BTRC: variants seen among roughly 807,000 people sequenced by gnomAD.
BTRC encodes the protein F-box/WD repeat-containing protein 1A.
In BTRC, 42 loss-of-function variants were observed where a neutral mutation model predicts 85.5. The observed-to-expected ratio is 0.49, with a 90% confidence interval of 0.38 to 0.64. The LOEUF is 0.64. Ranked by LOEUF, BTRC falls within the 30% of genes least tolerant of loss-of-function variation. The pLI is 0.00. For missense variants in BTRC, 594 were observed against 743.5 expected (o/e 0.80, Z 2.34); for synonymous variants, 255 against 263.3 (o/e 0.97, Z 0.30).
At chr10:101,518,124 G>T (rs1182964159) in intron 4 of BTRC, among the ~76,000 whole-genome samples, 2 of 151,740 alleles carry the variant, frequency 1.3e-5, no homozygotes, top group Non-Finnish European at 2.9e-5. Context: ...GTTTTAGCCG[G>T]GATGGTCTCG....
intron 4 of BTRC, among the ~76,000 whole-genome samples, chr10:101,498,429 ACAGGTGTGAGCCACCACACCCGGCCTC>A (rs1410152190): frequency 1.3e-5 from 2 of 151,990 alleles, no homozygotes; most frequent in Non-Finnish European, 2.9e-5. Flanking sequence ...TGCTGTGATT[ACAGGTGTGAGCCACCACACCCGGCCTC>A]CGAAGCTGCT....
intron 4 of BTRC, among the ~76,000 whole-genome samples, chr10:101,488,266 A>G (rs937688711): frequency 1.3e-5 from 2 of 152,210 alleles, no homozygotes; most frequent in Non-Finnish European, 2.9e-5. Context: ...GCTATGTCAT[A>G]TTTAAATTAT....
intron 2 of BTRC, among the ~76,000 whole-genome samples, chr10:101,456,017 C>CACACACACACACAA (rs1416141920): frequency 3.3e-5 from 5 of 150,692 alleles, no homozygotes; most frequent in Non-Finnish European, 7.4e-5. Context: ...CACACACACA[C>CACACACACACACAA]AAAATTAGCT....
At chr10:101,410,105 T>C (rs571318853) in intron 1 of BTRC, among the ~76,000 whole-genome samples, 19 of 152,330 alleles carry the variant, frequency 1.2e-4, no homozygotes, top group African/African-American at 4.1e-4. Flanking sequence ...TTTCTTGTTT[T>C]AATTGTAACG....
In BTRC at chr10:101,555,298, T is replaced by C. The variant is rs529076612; in HGVS notation, c.*2175T>C. 1 of 152,700 alleles carries C rather than the reference T, an allele frequency of 6.5e-6. No homozygotes were observed. The highest frequency in any genetic ancestry group is 6.5e-5 in the Admixed American group (1 of 15,284). The allele number at this position is 152,700 out of a possible 1,614,324, so 9.5% of individuals were successfully genotyped here. ...TCTGTCATATGCTGCTATTACAAAG[T>C]GGAAGCTGTTGAATGTTTATTGGTG... On this transcript the variant is annotated 3_prime_UTR_variant, in exon 15 of 15. Coordinates refer to ENST00000370187, the MANE Select transcript of BTRC (RefSeq NM_033637.4).
intron 1 of BTRC, among the ~76,000 whole-genome samples, chr10:101,363,117 A>C (rs1942260305): frequency 6.6e-6 from 1 of 152,174 alleles, no homozygotes; most frequent in African/African-American, 2.4e-5. Flanking sequence ...TACTGTTCTA[A>C]GCTCTTTATA....
intron 4 of BTRC, among the ~76,000 whole-genome samples, chr10:101,498,650 G>A (rs953951375): frequency 5.3e-5 from 8 of 152,052 alleles, no homozygotes; most frequent in African/African-American, 1.4e-4. Flanking sequence ...TAGTGGGCAC[G>A]TCCTAATACA....
At chr10:101,526,699 G>T (rs1198609391) in intron 6 of BTRC, among the ~76,000 whole-genome samples, 2 of 152,236 alleles carry the variant, frequency 1.3e-5, no homozygotes, top group Admixed American at 6.5e-5. Flanking sequence ...AGAATCGCAT[G>T]AACCCTAGGT....
chr10:101,414,318 G>A (rs1011173968), intron 1 of BTRC, among the ~76,000 whole-genome samples: 2 of 152,110 alleles, frequency 1.3e-5, no homozygotes, highest in African/African-American at 4.8e-5. Flanking sequence ...CTATCACCTA[G>A]TGACATTGTA....
intron 5 of BTRC, among the ~76,000 whole-genome samples, chr10:101,525,411 C>G (rs990384961): frequency 2.0e-5 from 3 of 152,106 alleles, no homozygotes; most frequent in Non-Finnish European, 4.4e-5. Context: ...GAAATTAAAC[C>G]CATTCTTGAA....
At chr10:101,538,446 A>G (rs1022735211) in intron 13 of BTRC, 75 bp downstream of exon 13, 6 of 1,336,010 alleles carry the variant, frequency 4.5e-6, no homozygotes, top group South Asian at 2.4e-5. Context: ...GCTGTGGAAT[A>G]TGGATTTGAA....
At chr10:101,417,036 A>G (rs1943964904) in intron 1 of BTRC, among the ~76,000 whole-genome samples, 1 of 152,200 alleles carries the variant, frequency 6.6e-6, no homozygotes. Context: ...CCACTTGAGA[A>G]TAAGGTTCTG....
intron 1 of BTRC, among the ~76,000 whole-genome samples, chr10:101,363,010 AT>A (rs148151903): frequency 5.3e-5 from 8 of 152,212 alleles, no homozygotes; most frequent in Non-Finnish European, 4.4e-5. Context: ...GTATCTGTGG[AT>A]TTTGGTATCC....
intron 1 of BTRC, among the ~76,000 whole-genome samples, chr10:101,419,368 C>CT (rs1169719367): frequency 6.6e-6 from 1 of 152,154 alleles, no homozygotes; most frequent in African/African-American, 2.4e-5. Flanking sequence ...GGGCCTTCTG[C>CT]TTTAGAATCT....
At chr10:101,465,677 C>T (rs1400771365) in intron 3 of BTRC, among the ~76,000 whole-genome samples, 3 of 152,110 alleles carry the variant, frequency 2.0e-5, no homozygotes, top group African/African-American at 7.2e-5. Context: ...TCCACCATAA[C>T]AGTAATTCCA....
intron 4 of BTRC, among the ~76,000 whole-genome samples, chr10:101,499,287 A>C (rs1946344233): frequency 6.6e-6 from 1 of 151,538 alleles, no homozygotes; most frequent in Non-Finnish European, 1.5e-5. Context: ...GTCGGGCTGG[A>C]GTGCAGTGGT....
chr10:101,433,105 A>G (rs1455691103), intron 2 of BTRC, among the ~76,000 whole-genome samples: 1 of 152,184 alleles, frequency 6.6e-6, no homozygotes. Flanking sequence ...ACCGCTTTCC[A>G]GTAGCCAAGA....
At chr10:101,505,360 C>T (rs1241907032) in intron 4 of BTRC, among the ~76,000 whole-genome samples, 2 of 150,394 alleles carry the variant, frequency 1.3e-5, no homozygotes, top group Non-Finnish European at 3.0e-5. Flanking sequence ...TGGCTTACGC[C>T]TGTAATCCCA....
At chr10:101,462,535 T>C (rs1195743705) in intron 3 of BTRC, among the ~76,000 whole-genome samples, 1 of 151,804 alleles carries the variant, frequency 6.6e-6, no homozygotes, top group Non-Finnish European at 1.5e-5. Flanking sequence ...AAAAATTTGC[T>C]GGGCATGCTG....
Sources: gnomAD v4.1 joint callset for allele counts (sites outside exome capture counted in the v4.1 genomes callset) on GRCh38, gnomAD v4.1.1 for gene constraint, MANE v1.5 for transcripts, NCBI Gene and HGNC (gene_info 2026-07-23, HGNC 2026-07-21) for gene names.